ZNF536: variants seen among roughly 807,000 people sequenced by gnomAD.
ZNF536 encodes zinc finger protein 536.
A neutral mutation model predicts 84.5 loss-of-function variants in ZNF536; 13 were observed. That is an observed-to-expected ratio of 0.15 (90% CI 0.10 to 0.24). The LOEUF (loss-of-function observed/expected upper bound fraction) is 0.24, where lower values mean the gene tolerates loss of function less well. ZNF536 is among the 10% of genes least tolerant of loss of function. The pLI is 1.00. For missense variants in ZNF536, 1,536 were observed against 1,747.5 expected (o/e 0.88, Z 2.16); for synonymous variants, 811 against 742.5 (o/e 1.09, Z -1.50).
chr19:30,240,363 ACTCTAT>A (rs1190388060), intron 1 of ZNF536, among the ~76,000 whole-genome samples: 3 of 144,236 alleles, frequency 2.1e-5, no homozygotes, highest in African/African-American at 7.8e-5. Flanking sequence ...ACAGAGCAAG[ACTCTAT>A]CTCAGAAAAA....
At chr19:30,365,932 A>T (rs7245704) in intron 3 of ZNF536, among the ~76,000 whole-genome samples, 10,595 of 151,688 alleles carry the variant, frequency 0.07, 1,005 homozygotes, top group African/African-American at 0.21. Flanking sequence ...TTCATTTTTT[A>T]AAAAAAATAG....
At chr19:30,456,296 CTTGT>C (rs1286221489) in intron 2 of ZNF536, among the ~76,000 whole-genome samples, 2 of 143,738 alleles carry the variant, frequency 1.4e-5, no homozygotes, top group African/African-American at 5.2e-5. Context: ...GAACACGGGA[CTTGT>C]TTCTTTTCTT....
chr19:30,475,665 C>T (rs1451371661), intron 2 of ZNF536, among the ~76,000 whole-genome samples: 1 of 152,176 alleles, frequency 6.6e-6, no homozygotes, highest in East Asian at 1.9e-4. Flanking sequence ...AACGGGGGTA[C>T]AGCCACAGCC....
rs558047540 is a variant in ZNF536, at chr19:30,280,636, C to T, written c.-189-3436C>T. Among the ~76,000 whole-genome samples the T allele has an allele frequency of 3.1e-4, 47 of 152,360 alleles. 1 individual carries two copies. Among genetic ancestry groups the T allele is most frequent in the African/African-American group, 1.0e-3 (42 of 41,592 alleles). On this transcript the variant is annotated intron_variant, in intron 1 of 5. Transcript: ENST00000585628. The stretch of plus-strand genomic sequence containing the variant: ...CAGGAAACTCGCTGGCCTGGAGGAC[C>T]GCTCTGTGCTAAACTCAGGGCCCAT...
intron 1 of ZNF536, among the ~76,000 whole-genome samples, chr19:30,616,748 C>G (rs916508379): frequency 1.3e-5 from 2 of 152,172 alleles, no homozygotes; most frequent in South Asian, 2.1e-4. Flanking sequence ...TTGAGAAAGA[C>G]TGATAAAATT....
chr19:30,236,015 C>T (rs1030696384), intron 1 of ZNF536, among the ~76,000 whole-genome samples: 1 of 152,224 alleles, frequency 6.6e-6, no homozygotes, highest in African/African-American at 2.4e-5. Context: ...ACGTTTCCAC[C>T]CGAAAGAGGG....
At chr19:30,308,710 G>C (rs1273650083) in intron 2 of ZNF536, among the ~76,000 whole-genome samples, 2 of 152,128 alleles carry the variant, frequency 1.3e-5, no homozygotes, top group African/African-American at 4.8e-5. Flanking sequence ...CTCCTCTCCA[G>C]ACAGCTTGGG....
intron 2 of ZNF536, among the ~76,000 whole-genome samples, chr19:30,301,287 G>A (rs1343514586): frequency 6.6e-6 from 1 of 152,176 alleles, no homozygotes; most frequent in Non-Finnish European, 1.5e-5. Flanking sequence ...ATAATTTTAT[G>A]TCTGAGGAAA....
intron 1 of ZNF536, among the ~76,000 whole-genome samples, chr19:30,592,250 G>C (rs924032105): frequency 6.6e-6 from 1 of 152,156 alleles, no homozygotes; most frequent in Admixed American, 6.5e-5. Context: ...AAGGTATCGA[G>C]GCAGCACAAA....
rs780623767 is a variant in ZNF536, at chr19:30,445,611, G to A, written c.2049G>A (p.Val683=). 4 of 1,612,868 alleles carry A rather than the reference G, an allele frequency of 2.5e-6. No individual in the cohort carries two copies. The highest frequency in any genetic ancestry group is 3.4e-6 in the Non-Finnish European group (4 of 1,179,656). ...GSGSDQESQS[V]SRSTTPGSSN... ...GCAGTGACCAGGAGTCCCAGTCGGT[G>A]AGCCGCTCCACCACGCCGGGCTCCT... Residue 683 remains valine (V), a synonymous_variant, in exon 2 of 5, where the codon GTG becomes GTA. Coordinates refer to ENST00000355537, the MANE Select transcript of ZNF536 (RefSeq NM_014717.3). The surrounding 1 kb of genome is among the most constrained non-coding windows in gnomAD (Gnocchi z 4.5).
intron 2 of ZNF536, among the ~76,000 whole-genome samples, chr19:30,450,833 A>C (rs2052569818): frequency 7.0e-6 from 1 of 142,346 alleles, no homozygotes; most frequent in Non-Finnish European, 1.5e-5. Context: ...CTGCTTCCTT[A>C]TTTTTCTGCC....
At chr19:30,653,084 T>C (rs1457346490) in intron 1 of ZNF536, among the ~76,000 whole-genome samples, 1 of 152,336 alleles carries the variant, frequency 6.6e-6, no homozygotes, top group African/African-American at 2.4e-5. Flanking sequence ...TATCTGGGCA[T>C]TTCCAAGTCC....
chr19:30,651,940 A>G (rs778486840), intron 1 of ZNF536, among the ~76,000 whole-genome samples: 12 of 152,242 alleles, frequency 7.9e-5, no homozygotes, highest in Non-Finnish European at 1.0e-4. Context: ...AAATGCTAAG[A>G]GCTGGTTACA....
intron 2 of ZNF536, among the ~76,000 whole-genome samples, chr19:30,486,787 A>G (rs570873915): frequency 5.9e-5 from 9 of 151,980 alleles, no homozygotes; most frequent in African/African-American, 9.7e-5. Context: ...TCTTACATGT[A>G]TTTTCTATAA....
chr19:30,690,789 G>A (rs1239198735), intron 1 of ZNF536, among the ~76,000 whole-genome samples: 2 of 152,160 alleles, frequency 1.3e-5, no homozygotes, highest in Non-Finnish European at 2.9e-5. Context: ...TACAATTTGT[G>A]TAAGGACTGA....
intron 2 of ZNF536, among the ~76,000 whole-genome samples, chr19:30,485,379 A>G (rs1477595420): frequency 6.6e-6 from 1 of 152,152 alleles, no homozygotes; most frequent in African/African-American, 2.4e-5. Flanking sequence ...GAATTGTGCA[A>G]CCATCACCAC....
downstream of ZNF536, among the ~76,000 whole-genome samples, chr19:30,561,027 GT>G (rs1277752238): frequency 6.6e-6 from 1 of 152,172 alleles, no homozygotes; most frequent in African/African-American, 2.4e-5. Context: ...TGTCTTTCAT[GT>G]TCTTTGTGGA....
chr19:30,390,413 A>G (rs929115388), intron 1 of ZNF536, among the ~76,000 whole-genome samples: 1 of 152,162 alleles, frequency 6.6e-6, no homozygotes, highest in African/African-American at 2.4e-5. Context: ...AGGTGGGACC[A>G]GGGTGGCAGG....
rs1006523266 is a variant in ZNF536, at chr19:30,445,044, C to G, written c.1482C>G (p.Leu494=). Residue 494 remains leucine, a synonymous_variant, in exon 2 of 5, where the codon CTC becomes CTG. Transcript: ENST00000355537. The surrounding 1 kb of genome is among the most constrained non-coding windows in gnomAD (Gnocchi z 4.5). ...ACTCCCTCCTGGGATGCCTCAATCT[C>G]GTGCCGCCGCTGAAATCCAGCTGCA... is the stretch of plus-strand genomic sequence containing the variant. ...DKHSLLGCLN[L]VPPLKSSCIE... is the part of the protein sequence containing the mutation. 6.2e-7 allele frequency: 1 copy of G among 1,613,306 alleles called. No individual in the cohort carries two copies. The highest frequency in any genetic ancestry group is 1.1e-5 in the South Asian group (1 of 91,056).
Sources: allele counts gnomAD v4.1 joint callset (sites outside exome capture counted in the v4.1 genomes callset), GRCh38; gene constraint gnomAD v4.1.1; non-coding constraint Gnocchi (gnomAD v3.1); transcripts MANE v1.5; gene names NCBI Gene and HGNC (gene_info 2026-07-23, HGNC 2026-07-21).